The following ACOX1 variants were observed in gnomAD, a reference collection of about 807,000 sequenced individuals.
ACOX1 encodes the protein acyl-CoA oxidase 1, also known as peroxisomal acyl-coenzyme A oxidase 1.
ACOX1 carries 41 observed loss-of-function variants against 75.5 expected under a neutral mutation model. The ratio of observed to expected loss-of-function variants is 0.54; its 90% CI spans 0.42 to 0.70. ACOX1 has a LOEUF of 0.70. Among genes scored for constraint, ACOX1 ranks in the 30% least tolerant of loss-of-function variants. ACOX1 has a pLI of 0.00. For synonymous variants in ACOX1, 303 were observed against 298.8 expected, an observed-to-expected ratio of 1.01 and a Z score of -0.15; for missense variants, 630 against 837.5, an observed-to-expected ratio of 0.75 and a Z score of 3.06.
chr17:75,961,903 C>T (rs1191919512), intron 2 of ACOX1, among the ~76,000 whole-genome samples: 2 of 151,940 alleles, frequency 1.3e-5, no homozygotes, highest in African/African-American at 2.4e-5. Flanking sequence ...TTGAGTGGTA[C>T]TGGTACAAGG....
In ACOX1 at chr17:75,957,498, T is replaced by A; in HGVS notation, c.499A>T (p.Ser167Cys). The part of the protein sequence containing the change: ...DPETQEFILN[S>C]PTVTSIKWWP... ...CATTTAATGGAGGTCACAGTAGGAC[T>A]GTTGAGAATGAACTCCTGGGTTTCA... The change falls in exon 4 of 14, where the codon AGT becomes TGT. Residue 167 changes from serine (S) to cysteine (C), a missense_variant. Around this residue, in one of 2 missense-constraint regions of ACOX1, gnomAD observed 390 missense variants for 574.9 expected, o/e 0.68. Coordinates refer to ENST00000293217, the MANE Select transcript of ACOX1 (RefSeq NM_004035.7). 1 of 1,614,176 alleles carries A rather than the reference T, an allele frequency of 6.2e-7. No homozygotes were observed. The highest frequency in any genetic ancestry group is 8.5e-7 in the Non-Finnish European group (1 of 1,180,014).
chr17:75,960,266 C>T lies in ACOX1; in HGVS notation c.379G>A (p.Ala127Thr), dbSNP rs753668223. 1.5e-5 allele frequency: 25 copies of T among 1,614,046 alleles called. No homozygotes were observed. Among genetic ancestry groups the T allele is most frequent in the African/African-American group, 4.0e-5 (3 of 74,908 alleles). ...AEQQERFFMP[A>T]WNLEIIGTYA... ...GTGCCAATGATCTCCAAGTTCCAGG[C>T]GGGCATGAAGAAGCGCTCCTGCTGC... The change falls in exon 3 of 14, where the codon GCC (alanine) becomes ACC (threonine). Residue 127 changes from alanine (A) to threonine (T), a missense_variant. Transcript: ENST00000293217. The surrounding 1 kb of genome is among the most constrained non-coding windows in gnomAD (Gnocchi z 4.4).
At position 75,967,659 on chromosome 17, in the gene ACOX1, TACATATATATAC is replaced by T. The variant is rs1567885205; in HGVS notation, c.270-7296_270-7285del. Among the ~76,000 whole-genome samples, 84 of 99,950 alleles carry T rather than the reference TACATATATATAC, an allele frequency of 8.4e-4. 1 individual carries two copies. Among genetic ancestry groups the T allele is most frequent in the African/African-American group, 5.1e-3 (79 of 15,450 alleles). 65.6% of individuals were successfully genotyped at this position (99,950 alleles called of 152,430 possible). A position where few individuals can be genotyped will look rare whatever the true frequency, so the allele number is the denominator to read the frequency against. ...ACATATATATACGTATATATATACA[TACATATATATAC>T]ATATATATACGTATATATATACATA... On this transcript the variant is annotated intron_variant, in intron 2 of 13. Transcript: ENST00000293217.
At position 75,978,492 on chromosome 17, in the gene ACOX1, T is replaced by C. The variant is rs775264204; in HGVS notation, c.269+42A>G. 1 of 1,612,994 alleles carries C rather than the reference T, an allele frequency of 6.2e-7. No homozygotes were observed. Among genetic ancestry groups the C allele is most frequent in the Non-Finnish European group, 8.5e-7 (1 of 1,179,090 alleles). ...GCCACCATAGACCGCAGCTGTAAAG[T>C]TTAGGCTTAACAACACTTGCTCTGT... On this transcript the variant is annotated intron_variant, in intron 2 of 13. Transcript: ENST00000293217. This position sits in a 1 kb window ranked among gnomAD's most constrained non-coding sequence, Gnocchi z 4.2.
Position 75,968,554 on chromosome 17 carries a change from G to A in ACOX1, c.270-8179C>T, listed in dbSNP as rs576647525. On this transcript the variant is annotated intron_variant, in intron 2 of 13. Coordinates refer to ENST00000293217, the MANE Select transcript of ACOX1 (RefSeq NM_004035.7). ...CCAGGAGGCGGAGCTTGCAGCGAGCGGAGATCATGCCACTGCACTCCAGCC... is the reference window on the plus strand; with the variant it reads ...CCAGGAGGCGGAGCTTGCAGCGAGCAGAGATCATGCCACTGCACTCCAGCC... Among the ~76,000 whole-genome samples, 148 of 146,240 alleles carry A rather than the reference G, an allele frequency of 1.0e-3. 1 individual carries two copies. The highest frequency in any genetic ancestry group is 3.4e-3 in the African/African-American group (134 of 39,164).
intron 2 of ACOX1, among the ~76,000 whole-genome samples, chr17:75,963,687 ACT>A (rs35040687): frequency 0.018 from 2,758 of 150,320 alleles, 47 homozygotes; most frequent in East Asian, 0.084. Flanking sequence ...ACAGAGCAAG[ACT>A]CTATCTAAAA....
chr17:75,968,613 A>T (rs527840145), intron 2 of ACOX1, among the ~76,000 whole-genome samples: 6 of 146,114 alleles, frequency 4.1e-5, no homozygotes, highest in Non-Finnish European at 7.5e-5. Flanking sequence ...CTGAAAAAAA[A>T]AAAAAAAAAA....
Position 75,948,414 on chromosome 17 carries a change from C to T in ACOX1, c.1772G>A (p.Arg591His), listed in dbSNP as rs369561903. 79 of 1,614,044 alleles carry T rather than the reference C, an allele frequency of 4.9e-5. No homozygotes were observed. Among genetic ancestry groups the T allele is most frequent in the Non-Finnish European group, 5.9e-5 (70 of 1,180,034 alleles). ...TEPQITQVNQ[R>H]VKELLTLIRS... Reference sequence around the variant, plus strand: ...AATCAGAGTGAGTAACTCCTTTACACGCTGGTTTACTTGTGTAATCTGAGG... The same window carrying T: ...AATCAGAGTGAGTAACTCCTTTACATGCTGGTTTACTTGTGTAATCTGAGG... Residue 591 changes from arginine (R) to histidine (H), a missense_variant, in exon 13 of 14, where the codon CGT (arginine) becomes CAT (histidine). Physicochemically the swap from Arg to His is conservative, Grantham distance 29. Coordinates refer to ENST00000293217, the MANE Select transcript of ACOX1 (RefSeq NM_004035.7).
chr17:75,950,547 G>A lies in ACOX1; in HGVS notation c.1298+227C>T, dbSNP rs1468769460. On this transcript the variant is annotated intron_variant, in intron 9 of 13. Coordinates refer to ENST00000293217, the MANE Select transcript of ACOX1 (RefSeq NM_004035.7). This position sits in a 1 kb window ranked among gnomAD's most constrained non-coding sequence, Gnocchi z 4.3. ...TTACAGTCATGAGCCACTGTGCCCA[G>A]CCCAGTAACTCTATCCTTGATACAA... Among the ~76,000 whole-genome samples, 1 of 152,088 alleles carries A rather than the reference G, an allele frequency of 6.6e-6. No individual in the cohort carries two copies. Among genetic ancestry groups the A allele is most frequent in the Non-Finnish European group, 1.5e-5 (1 of 68,030 alleles).
At chr17:75,953,766 C>A in intron 6 of ACOX1, 146 bp from the exon 7 acceptor site, 2 of 968,088 alleles carry the variant, frequency 2.1e-6, no homozygotes, top group Non-Finnish European at 1.6e-6. Flanking sequence ...CCACCCTGAC[C>A]AACTGAATCA....
intron 12 of ACOX1, 73 bp downstream of exon 12, chr17:75,949,144 G>A: frequency 1.3e-6 from 2 of 1,575,064 alleles, no homozygotes; most frequent in East Asian, 2.2e-5. Flanking sequence ...ACAGGCATGA[G>A]CCACCGTGCC....
rs2065754506 is a variant in ACOX1, at chr17:75,949,556, T to C, written c.1523A>G (p.His508Arg). 1 of 1,614,210 alleles carries C rather than the reference T, an allele frequency of 6.2e-7. No individual in the cohort carries two copies. Among genetic ancestry groups the C allele is most frequent in the Non-Finnish European group, 8.5e-7 (1 of 1,180,030 alleles). Residue 508 changes from histidine (H) to arginine (R), a missense_variant, in exon 11 of 14, where the codon CAC becomes CGC. Coordinates refer to ENST00000293217, the MANE Select transcript of ACOX1 (RefSeq NM_004035.7). Reference protein sequence around the residue: ...AAKNLQKEVIHRKSKEVAWNL... With the variant: ...AAKNLQKEVIRRKSKEVAWNL... ...CCAAGCTACCTCCTTGCTTTTTCTG[T>C]GAATCACTTCTTTTTGAAGGTTTTT...
At chr17:75,962,358 G>A (rs938333159) in intron 2 of ACOX1, among the ~76,000 whole-genome samples, 2 of 152,108 alleles carry the variant, frequency 1.3e-5, no homozygotes, top group African/African-American at 2.4e-5. Flanking sequence ...CACTTAAAAC[G>A]TGCAGGGGAC....
Position 75,950,333 on chromosome 17 carries a change from C to A in ACOX1, c.1299-436G>T, listed in dbSNP as rs1298422049. 6.6e-6 allele frequency among the ~76,000 whole-genome samples: 1 copy of A among 151,452 alleles called. No individual in the cohort carries two copies. The highest frequency in any genetic ancestry group is 1.5e-5 in the Non-Finnish European group (1 of 67,898). On this transcript the variant is annotated intron_variant, in intron 9 of 13. Coordinates refer to ENST00000293217, the MANE Select transcript of ACOX1 (RefSeq NM_004035.7). The surrounding 1 kb of genome is among the most constrained non-coding windows in gnomAD (Gnocchi z 4.3). ...CAATCTTGGCTCACTGCAACCTCCG[C>A]TTCCCAGGTTCAAGCGATTCTTCTG...
At chr17:75,956,399 G>A (rs2065823965) in intron 4 of ACOX1, among the ~76,000 whole-genome samples, 1 of 152,012 alleles carries the variant, frequency 6.6e-6, no homozygotes, top group South Asian at 2.1e-4. Context: ...AGATATAAAA[G>A]TTTCGGGTCA....
chr17:75,965,487 A>G (rs1049431613), intron 2 of ACOX1, among the ~76,000 whole-genome samples: 1 of 151,950 alleles, frequency 6.6e-6, no homozygotes, highest in African/African-American at 2.4e-5. Context: ...AAGGAGAAAA[A>G]CACATTTAAT....
Position 75,950,664 on chromosome 17 carries a change from A to C in ACOX1, c.1298+110T>G. On this transcript the variant is annotated intron_variant, in intron 9 of 13. Coordinates refer to ENST00000293217, the MANE Select transcript of ACOX1 (RefSeq NM_004035.7). The surrounding 1 kb of genome is among the most constrained non-coding windows in gnomAD (Gnocchi z 4.3). ...GATGGAAGGCAAAAGTATACCTTTC[A>C]GGAACAAATATATATATACGGTGAA... is the stretch of plus-strand genomic sequence containing the variant. 1 of 1,256,896 alleles carries C rather than the reference A, an allele frequency of 8.0e-7. No homozygotes were observed. The highest frequency in any genetic ancestry group is 1.3e-5 in the South Asian group (1 of 79,726). The allele number at this position is 1,256,896 out of a possible 1,614,324, so 77.9% of individuals were successfully genotyped here.
Position 75,978,418 on chromosome 17 carries a change from T to G in ACOX1, c.269+116A>C. ...ACACATATAACTTTATAAAGTTGCA[T>G]GAAAATATGCCAGTTTGCATCTTCA... On this transcript the variant is annotated intron_variant, in intron 2 of 13. Transcript: ENST00000293217. The surrounding 1 kb of genome is among the most constrained non-coding windows in gnomAD (Gnocchi z 4.2). 1 of 1,407,030 alleles carries G rather than the reference T, an allele frequency of 7.1e-7. No homozygotes were observed. The highest frequency in any genetic ancestry group is 1.0e-6 in the Non-Finnish European group (1 of 999,260). 87.2% of individuals were successfully genotyped at this position (1,407,030 alleles called of 1,614,324 possible).
At chr17:75,953,950 G>C (rs920695046) in intron 6 of ACOX1, among the ~76,000 whole-genome samples, 1 of 152,236 alleles carries the variant, frequency 6.6e-6, no homozygotes, top group African/African-American at 2.4e-5. Flanking sequence ...TGGGCGTGAT[G>C]GCTCACGCCT....
Sources: allele counts gnomAD v4.1 joint callset (sites outside exome capture counted in the v4.1 genomes callset), GRCh38; gene constraint gnomAD v4.1.1; regional missense constraint gnomAD v4.1.1; non-coding constraint Gnocchi (gnomAD v3.1); transcripts MANE v1.5; gene names NCBI Gene and HGNC (gene_info 2026-07-23, HGNC 2026-07-21).